CREB5: variants seen among roughly 807,000 people sequenced by gnomAD.
The protein encoded by CREB5 is cAMP responsive element binding protein 5, also known as cyclic AMP-responsive element-binding protein 5.
Under a neutral mutation model 57.1 loss-of-function variants are expected in CREB5, and 19 were observed. That is an observed-to-expected ratio of 0.33 (90% confidence interval 0.23 to 0.49). CREB5 has a LOEUF of 0.49. Among genes scored for constraint, CREB5 ranks in the 20% least tolerant of loss-of-function variants. The probability of loss-of-function intolerance (pLI) is 0.99; values close to 1 mark genes in which losing one functional copy is unlikely to be tolerated. For missense variants in CREB5, 579 were observed against 671.6 expected (o/e 0.86, Z 1.52); for synonymous variants, 238 against 238.3 (o/e 1.00, Z 0.01).
intron 1 of CREB5, among the ~76,000 whole-genome samples, chr7:28,366,992 T>C (rs1786600795): frequency 6.6e-6 from 1 of 152,010 alleles, no homozygotes; most frequent in Admixed American, 6.6e-5. Flanking sequence ...ACATAAGAAG[T>C]TGAAGATCTG....
intron 7 of CREB5, among the ~76,000 whole-genome samples, chr7:28,777,098 T>C (rs952223742): frequency 2.6e-5 from 4 of 152,222 alleles, no homozygotes; most frequent in African/African-American, 9.6e-5. Context: ...GTAACTCTGT[T>C]CAATCTTTTG....
At position 28,488,336 on chromosome 7, in the gene CREB5, G is replaced by C; in HGVS notation, c.75+90G>C. ...CACCCGGCAATCATGCCTGCCCTGG[G>C]CTTTCCTTCTTTACCAAGACACCAC... On this transcript the variant is annotated intron_variant, in intron 2 of 10. Transcript: ENST00000357727. The C allele has an allele frequency of 2.5e-6, 3 of 1,179,210 alleles. No individual in the cohort carries two copies. In the South Asian group the frequency reaches 4.0e-5, roughly 16 times the overall value. The allele number at this position is 1,179,210 out of a possible 1,614,324, so 73.0% of individuals were successfully genotyped here.
chr7:28,385,640 A>G (rs887471413), intron 1 of CREB5, among the ~76,000 whole-genome samples: 21 of 151,686 alleles, frequency 1.4e-4, no homozygotes, highest in Non-Finnish European at 4.4e-5. Context: ...TCACACCACT[A>G]CACTCCAGCC....
chr7:28,365,435 T>A (rs1193701750), intron 1 of CREB5, among the ~76,000 whole-genome samples: 3 of 152,176 alleles, frequency 2.0e-5, no homozygotes, highest in Non-Finnish European at 2.9e-5. Context: ...AATTATCCCC[T>A]TTCCTCAATG....
chr7:28,742,581 A>G (rs1325442773), intron 7 of CREB5, among the ~76,000 whole-genome samples: 1 of 151,816 alleles, frequency 6.6e-6, no homozygotes, highest in Non-Finnish European at 1.5e-5. Context: ...AAAAGAAAAG[A>G]AAAGGAAAGA....
At chr7:28,764,779 G>A (rs150055650) in intron 7 of CREB5, among the ~76,000 whole-genome samples, 101 of 152,218 alleles carry the variant, frequency 6.6e-4, no homozygotes, top group African/African-American at 2.3e-3. Context: ...CTTTTCACTA[G>A]AGTCTACATA....
intron 1 of CREB5, among the ~76,000 whole-genome samples, chr7:28,309,227 C>A (rs1262363886): frequency 1.3e-5 from 2 of 152,196 alleles, no homozygotes; most frequent in African/African-American, 4.8e-5. Context: ...AAATCTCTTT[C>A]TCTCAATGCA....
chr7:28,814,410 T>A (rs754466239), intron 9 of CREB5, among the ~76,000 whole-genome samples: 1 of 152,142 alleles, frequency 6.6e-6, no homozygotes, highest in African/African-American at 2.4e-5. Flanking sequence ...TATGGACACA[T>A]AAATGGACAT....
At chr7:28,543,803 G>A (rs919177737) in intron 4 of CREB5, among the ~76,000 whole-genome samples, 38 of 151,912 alleles carry the variant, frequency 2.5e-4, no homozygotes, top group African/African-American at 9.2e-4. Context: ...GAGGCTGGTC[G>A]GAGTCCACAC....
chr7:28,672,010 C>T (rs1282659831), intron 5 of CREB5, among the ~76,000 whole-genome samples: 1 of 152,086 alleles, frequency 6.6e-6, no homozygotes, highest in East Asian at 1.9e-4. Context: ...GTGAGCTTTA[C>T]ACCTTAAAAA....
intron 5 of CREB5, among the ~76,000 whole-genome samples, chr7:28,571,562 C>T (rs1036721252): frequency 6.6e-6 from 1 of 152,164 alleles, no homozygotes. Flanking sequence ...TCATTGAACA[C>T]CAGATACTCC....
At chr7:28,499,177 A>G (rs1016511501) in intron 3 of CREB5, among the ~76,000 whole-genome samples, 2 of 11,166 alleles carry the variant, frequency 1.8e-4, no homozygotes, top group Admixed American at 1.0e-3. Context: ...TCTGTGCAGG[A>G]AAAAAAAAAA....
rs979112685 is a variant in CREB5 at position 28,381,207 on chromosome 7, A to T, written c.-25+81766A>T. Among the ~76,000 whole-genome samples, 5 of 152,290 alleles carry T rather than the reference A, an allele frequency of 3.3e-5. No homozygotes were observed. In the East Asian group the frequency reaches 9.6e-4, roughly 29 times the overall value. ...GGTGAACATGACTTACAACTATTTC[A>T]TGTGTTAGTGTTTCAGAGTGAGATG... On this transcript the variant is annotated intron_variant, in intron 1 of 9. Coordinates refer to the CREB5 transcript ENST00000396299.
intron 9 of CREB5, among the ~76,000 whole-genome samples, chr7:28,810,434 C>A (rs1346812940): frequency 6.6e-6 from 1 of 152,098 alleles, no homozygotes; most frequent in Non-Finnish European, 1.5e-5. Flanking sequence ...GTAATCCCAG[C>A]ACTCTGGGAG....
intron 1 of CREB5, among the ~76,000 whole-genome samples, chr7:28,425,790 A>C (rs1311856227): frequency 6.6e-5 from 10 of 152,000 alleles, no homozygotes; most frequent in Admixed American, 2.6e-4. Flanking sequence ...TCCAGCTTGC[A>C]CCTCTCTCCT....
chr7:28,326,348 A>G (rs1038883123), intron 1 of CREB5, among the ~76,000 whole-genome samples: 4 of 151,996 alleles, frequency 2.6e-5, no homozygotes, highest in Admixed American at 2.6e-4. Context: ...GGCTCCCATT[A>G]TCCTTAATAT....
At chr7:28,399,707 G>C (rs147734725) in intron 1 of CREB5, among the ~76,000 whole-genome samples, 1,658 of 152,234 alleles carry the variant, frequency 0.011, 30 homozygotes, top group African/African-American at 0.038. Context: ...TTGAGCCCAG[G>C]AGTTTGAGAT....
chr7:28,760,751 T>C lies in CREB5; in HGVS notation c.702+36419T>C, dbSNP rs1805597223. Among the ~76,000 whole-genome samples, 3 of 152,120 alleles carry C rather than the reference T, an allele frequency of 2.0e-5. No homozygotes were observed. The South Asian group carries it at 6.2e-4, about 32-fold the overall frequency. ...ATAAAAAAGAAGAAGAAAAAGAAAGTAGTAAAGCCTACCTATGACTGGCTT... is the reference window on the plus strand; with the variant it reads ...ATAAAAAAGAAGAAGAAAAAGAAAGCAGTAAAGCCTACCTATGACTGGCTT... On this transcript the variant is annotated intron_variant, in intron 7 of 10. Transcript: ENST00000357727.
intron 5 of CREB5, among the ~76,000 whole-genome samples, chr7:28,599,660 CA>C (rs1370171644): frequency 6.6e-6 from 1 of 152,214 alleles, no homozygotes; most frequent in Non-Finnish European, 1.5e-5. Context: ...AGTAAAATTC[CA>C]ACACCTATTT....
Sources: allele counts gnomAD v4.1 joint callset (sites outside exome capture counted in the v4.1 genomes callset), GRCh38; gene constraint gnomAD v4.1.1; transcripts MANE v1.5; gene names NCBI Gene and HGNC (gene_info 2026-07-23, HGNC 2026-07-21).